WWOX: variants seen among roughly 807,000 people sequenced by gnomAD.
The protein encoded by WWOX is WW domain-containing oxidoreductase.
Under a neutral mutation model 46.2 loss-of-function variants are expected in WWOX, and 69 were observed. The ratio of observed to expected loss-of-function variants is 1.49; its 90% CI spans 1.23 to 1.82. The LOEUF (loss-of-function observed/expected upper bound fraction) is 1.82, where lower values mean the gene tolerates loss of function less well. WWOX is among the 40% of genes most tolerant of loss of function. The pLI, the probability that WWOX is intolerant of heterozygous loss-of-function variation, is 0.00. For missense variants in WWOX, 919 were observed against 542.6 expected, an observed-to-expected ratio of 1.69 and a Z score of -6.89; for synonymous variants, 359 against 202.6, an observed-to-expected ratio of 1.77 and a Z score of -6.56.
At chr16:78,366,883 A>G (rs2081546411) in intron 5 of WWOX, among the ~76,000 whole-genome samples, 1 of 151,846 alleles carries the variant, frequency 6.6e-6, no homozygotes. Flanking sequence ...TCAGTTTTCA[A>G]ACTTGCTTAA....
chr16:78,859,410 A>C (rs1036547285), intron 8 of WWOX, among the ~76,000 whole-genome samples: 7 of 152,112 alleles, frequency 4.6e-5, no homozygotes, highest in African/African-American at 1.7e-4. Flanking sequence ...ACTTTTGGGA[A>C]TCTTACCAGG....
At chr16:78,185,853 G>A (rs1298210166) in intron 5 of WWOX, among the ~76,000 whole-genome samples, 1 of 86,078 alleles carries the variant, frequency 1.2e-5, no homozygotes, top group African/African-American at 5.0e-5. Context: ...TTTTAGTAGA[G>A]ATGGGTTTCA....
At chr16:78,139,359 A>C (rs1194000115) in intron 4 of WWOX, among the ~76,000 whole-genome samples, 2 of 152,216 alleles carry the variant, frequency 1.3e-5, no homozygotes, top group Non-Finnish European at 2.9e-5. Flanking sequence ...AAAAGCAGAC[A>C]GTAGGTCTGG....
chr16:78,513,888 T>C (rs551755481), intron 8 of WWOX, among the ~76,000 whole-genome samples: 27 of 138,884 alleles, frequency 1.9e-4, no homozygotes, highest in African/African-American at 7.6e-4. Context: ...ATATTACAGT[T>C]CCCACTCCCC....
chr16:78,606,137 C>T (rs1391426361), intron 8 of WWOX, among the ~76,000 whole-genome samples: 1 of 152,192 alleles, frequency 6.6e-6, no homozygotes, highest in Non-Finnish European at 1.5e-5. Context: ...AACCAATCAT[C>T]ATGGTTTCGT....
At chr16:78,482,899 A>C (rs1597147574) in intron 8 of WWOX, among the ~76,000 whole-genome samples, 1 of 152,294 alleles carries the variant, frequency 6.6e-6, no homozygotes, top group Non-Finnish European at 1.5e-5. Context: ...ATCTGTTAAA[A>C]GGCATGAAAA....
chr16:78,306,368 G>T (rs144638335), intron 5 of WWOX, among the ~76,000 whole-genome samples: 2 of 152,220 alleles, frequency 1.3e-5, no homozygotes, highest in Non-Finnish European at 2.9e-5. Flanking sequence ...AGGCGATCAG[G>T]GATTTGCTGA....
At chr16:78,553,636 T>C (rs1215891029) in intron 8 of WWOX, among the ~76,000 whole-genome samples, 4 of 152,206 alleles carry the variant, frequency 2.6e-5, no homozygotes, top group East Asian at 3.9e-4. Flanking sequence ...GGCGCCCTAA[T>C]AGAAGGAGGG....
intron 8 of WWOX, among the ~76,000 whole-genome samples, chr16:79,057,690 A>T (rs915666998): frequency 4.2e-4 from 64 of 152,190 alleles, no homozygotes; most frequent in African/African-American, 1.5e-3. Context: ...ATGGTATTAC[A>T]GGCTAGCACA....
At chr16:78,753,085 A>G (rs955002546) in intron 8 of WWOX, among the ~76,000 whole-genome samples, 1 of 152,336 alleles carries the variant, frequency 6.6e-6, no homozygotes, top group African/African-American at 2.4e-5. Flanking sequence ...ACCTGAGGTC[A>G]GGAGATGGAG....
At position 78,391,476 on chromosome 16, in the gene WWOX, C is replaced by T. The variant is rs138491941; in HGVS notation, c.605+4528C>T. On this transcript the variant is annotated intron_variant, in intron 6 of 8. Transcript: ENST00000566780. ...AACCCAAATCTCTCTGAATCCAAAACGACTTTTTGTTACTTTGCACACTTC... is the reference window on the plus strand; with the variant it reads ...AACCCAAATCTCTCTGAATCCAAAATGACTTTTTGTTACTTTGCACACTTC... Among the ~76,000 whole-genome samples the T allele has an allele frequency of 3.3e-3, 508 of 152,288 alleles. 2 individuals carry two copies. Among genetic ancestry groups the T allele is most frequent in the South Asian group, 6.2e-3 (30 of 4,828 alleles).
At chr16:78,429,830 C>T (rs561064160) in intron 7 of WWOX, among the ~76,000 whole-genome samples, 6 of 152,244 alleles carry the variant, frequency 3.9e-5, no homozygotes, top group East Asian at 1.9e-4. Flanking sequence ...AACAAAATGG[C>T]GTGTGTTTCA....
At chr16:78,529,240 C>G (rs1403824771) in intron 8 of WWOX, among the ~76,000 whole-genome samples, 2 of 152,170 alleles carry the variant, frequency 1.3e-5, no homozygotes, top group African/African-American at 4.8e-5. Context: ...TGGGTATGAG[C>G]TACTGTACCC....
chr16:78,448,668 A>C (rs1348849203), intron 8 of WWOX, among the ~76,000 whole-genome samples: 1 of 152,226 alleles, frequency 6.6e-6, no homozygotes, highest in African/African-American at 2.4e-5. Flanking sequence ...GGGGTGAGGA[A>C]GTTAAAATAT....
At chr16:78,177,062 C>T (rs1054688153) in intron 5 of WWOX, among the ~76,000 whole-genome samples, 1 of 152,284 alleles carries the variant, frequency 6.6e-6, no homozygotes, top group African/African-American at 2.4e-5. Context: ...AGGGCCCAGC[C>T]ATCTGTGGTT....
At chr16:79,101,994 T>G (rs1436909261) in intron 8 of WWOX, among the ~76,000 whole-genome samples, 2 of 138,404 alleles carry the variant, frequency 1.4e-5, no homozygotes, top group Non-Finnish European at 3.1e-5. Flanking sequence ...TGCATCATCT[T>G]CCTCCTCCCA....
intron 8 of WWOX, chr16:78,896,644 A>G (rs2044706604): frequency 6.6e-6 from 1 of 152,166 alleles, no homozygotes. Context: ...ACATTTTCAT[A>G]AATAATCTTA....
At chr16:78,775,805 C>T (rs930021257) in intron 8 of WWOX, among the ~76,000 whole-genome samples, 1 of 152,180 alleles carries the variant, frequency 6.6e-6, no homozygotes, top group East Asian at 1.9e-4. Context: ...TTTTGGCCCA[C>T]TACTTTCGAC....
At chr16:79,131,243 G>T (rs1267960768) in intron 8 of WWOX, among the ~76,000 whole-genome samples, 1 of 152,142 alleles carries the variant, frequency 6.6e-6, no homozygotes, top group Non-Finnish European at 1.5e-5. Flanking sequence ...CCATTTGTGA[G>T]AGTGAGACAC....
Sources: gnomAD v4.1 joint callset for allele counts (sites outside exome capture counted in the v4.1 genomes callset) on GRCh38, gnomAD v4.1.1 for gene constraint, MANE v1.5 for transcripts, NCBI Gene and HGNC (gene_info 2026-07-23, HGNC 2026-07-21) for gene names.